Variants in BORCS7 observed in about 807,000 individuals in gnomAD.
The protein encoded by BORCS7 is BLOC-1 related complex subunit 7, also known as BLOC-1-related complex subunit 7.
A neutral mutation model predicts 17.5 loss-of-function variants in BORCS7; 20 were observed. The observed-to-expected ratio is 1.14, with a 90% CI of 0.80 to 1.66. The LOEUF (loss-of-function observed/expected upper bound fraction) is 1.66. BORCS7 is among the 40% of genes most tolerant of loss of function. The pLI is 0.00. For missense variants in BORCS7, 122 were observed against 129.7 expected (o/e 0.94, Z 0.29); for synonymous variants, 57 against 49.8 (o/e 1.14, Z -0.61).
intron 1 of BORCS7, 37 bp from the exon 2 acceptor site, chr10:102,860,295 G>A: frequency 6.3e-7 from 1 of 1,592,466 alleles, no homozygotes; most frequent in Non-Finnish European, 8.6e-7. Flanking sequence ...GGAAGTTTGG[G>A]AATTTTGATT....
chr10:102,862,783 A>T, intron 4 of BORCS7, 90 bp from the exon 5 acceptor site: 1 of 1,181,104 alleles, frequency 8.5e-7, no homozygotes, highest in Non-Finnish European at 1.2e-6. Flanking sequence ...CCCTGTCTGT[A>T]ATGGAAAAAA....
intron 1 of BORCS7, among the ~76,000 whole-genome samples, chr10:102,857,791 T>TTAGGAGATAGCAATTGAA (rs1432750488): frequency 1.3e-5 from 2 of 152,062 alleles, no homozygotes; most frequent in African/African-American, 4.8e-5. Flanking sequence ...AATGGATTCA[T>TTAGGAGATAGCAATTGAA]TAGGAGATAG....
chr10:102,859,443 CCTTT>C (rs1158681244), intron 1 of BORCS7, among the ~76,000 whole-genome samples: 2 of 151,338 alleles, frequency 1.3e-5, no homozygotes, highest in African/African-American at 4.8e-5. Flanking sequence ...CTGGCCATCT[CCTTT>C]CTTTTCTTTT....
intron 1 of BORCS7, among the ~76,000 whole-genome samples, chr10:102,855,615 A>AT (rs1304034698): frequency 6.6e-6 from 1 of 152,180 alleles, no homozygotes; most frequent in Non-Finnish European, 1.5e-5. Flanking sequence ...ACAAAACTAA[A>AT]TCCCTCTACT....
At chr10:102,855,302 G>T (rs1844409133) in intron 1 of BORCS7, among the ~76,000 whole-genome samples, 1 of 151,720 alleles carries the variant, frequency 6.6e-6, no homozygotes, top group African/African-American at 2.4e-5. Context: ...GGGATTACAG[G>T]CACGCACCAC....
intron 1 of BORCS7, 182 bp downstream of exon 1, chr10:102,854,609 AGT>A (rs2134094201): frequency 1.5e-6 from 1 of 671,242 alleles, no homozygotes; most frequent in Non-Finnish European, 2.3e-6. Context: ...GGTTAGGGAC[AGT>A]GTGTGAGGGT....
intron 1 of BORCS7, among the ~76,000 whole-genome samples, chr10:102,855,444 C>T (rs542500706): frequency 1.3e-5 from 2 of 152,276 alleles, no homozygotes; most frequent in Admixed American, 1.3e-4. Flanking sequence ...GCGTGAGCCA[C>T]CGCTCCTGGC....
chr10:102,861,260 C>A lies in BORCS7; in HGVS notation c.248+719C>A, dbSNP rs186968751. On this transcript the variant is annotated intron_variant, in intron 3 of 4. Coordinates refer to ENST00000339834, the MANE Select transcript of BORCS7 (RefSeq NM_001136200.2). ...TGAAACCCCGTCTCTACTAAAGATA[C>A]AAAAAAGTAGCCGGGTGTGGTGGTG... Among the ~76,000 whole-genome samples the A allele has an allele frequency of 5.5e-3, 832 of 151,586 alleles. 10 individuals are homozygous for A. The highest frequency in any genetic ancestry group is 0.019 in the African/African-American group (784 of 41,322).
Position 102,862,979 on chromosome 10 carries a change from C to A in BORCS7, c.*55C>A, listed in dbSNP as rs746975966. ...TTTGCCTAATGCTGAGGAGTAAATA[C>A]CTTACACAGCTGTCCTCTGGGTTTG... is the stretch of plus-strand genomic sequence containing the variant. On this transcript the variant is annotated 3_prime_UTR_variant, in exon 5 of 5. Transcript: ENST00000339834. 2.9e-6 allele frequency: 4 copies of A among 1,385,110 alleles called. No individual in the cohort carries two copies. Among genetic ancestry groups the A allele is most frequent in the Non-Finnish European group, 4.1e-6 (4 of 974,364 alleles). 85.8% of individuals were successfully genotyped at this position (1,385,110 alleles called of 1,614,324 possible).
Position 102,854,404 on chromosome 10 carries a change from C to A in BORCS7, c.118C>A (p.Leu40Met). The change falls in exon 1 of 5, where the codon CTG becomes ATG. Residue 40 changes from leucine to methionine, a missense_variant. Transcript: ENST00000339834. ...CGTAATCGCGCTCACCAAGCAGGTG[C>A]TGAAAGGCTCCCGGAGCTCCGAGGT... ...TDVIALTKQVLKGSRSSELLG... is the reference protein window; with the variant it reads ...TDVIALTKQVMKGSRSSELLG... The A allele has an allele frequency of 6.5e-7, 1 of 1,546,174 alleles. No homozygotes were observed. Among genetic ancestry groups the A allele is most frequent in the Non-Finnish European group, 8.8e-7 (1 of 1,140,816 alleles).
chr10:102,860,284 AG>A, intron 1 of BORCS7, 47 bp from the exon 2 acceptor site: 1 of 1,542,682 alleles, frequency 6.5e-7, no homozygotes, highest in Non-Finnish European at 8.9e-7. Flanking sequence ...AGAAGATTAC[AG>A]GAAGTTTGGG....
At position 102,864,878 on chromosome 10, in the gene BORCS7, A is replaced by G. The variant is rs1451155913; in HGVS notation, c.*1954A>G. On this transcript the variant is annotated 3_prime_UTR_variant, in exon 5 of 5. Transcript: ENST00000339834. ...GCCGGAAGATAATATTTTTAAAATA[A>G]CAAATGTTCAAATGCCATAAAAGAA... The G allele has an allele frequency of 6.6e-6, 1 of 152,186 alleles. No individual in the cohort carries two copies. Among genetic ancestry groups the G allele is most frequent in the Non-Finnish European group, 1.5e-5 (1 of 68,020 alleles). The allele number at this position is 152,186 out of a possible 1,614,324, so 9.4% of individuals were successfully genotyped here. A position where few individuals can be genotyped will look rare whatever the true frequency, so the allele number is the denominator to read the frequency against.
chr10:102,855,571 A>G (rs1844412923), intron 1 of BORCS7, among the ~76,000 whole-genome samples: 2 of 152,202 alleles, frequency 1.3e-5, no homozygotes, highest in African/African-American at 2.4e-5. Context: ...GGTGTCTGCT[A>G]TGTGCCAGGA....
intron 1 of BORCS7, among the ~76,000 whole-genome samples, chr10:102,855,748 C>CTTTG (rs764530337): frequency 2.9e-4 from 44 of 152,140 alleles, no homozygotes; most frequent in East Asian, 5.8e-4. Flanking sequence ...AAGGGTTAAT[C>CTTTG]TTTGTTTGTT....
rs199826074 is a variant in BORCS7, at chr10:102,854,357, A to C, written c.71A>C (p.Lys24Thr). The stretch of plus-strand genomic sequence containing the variant: ...TCCGTGAAGGGGCTTCTCACGGAGA[A>C]GGTGACCACCTGTGGTACTGACGTA... ...GQSVKGLLTE[K>T]VTTCGTDVIA... Residue 24 changes from lysine to threonine, a missense_variant, in exon 1 of 5, where the codon AAG becomes ACG. Lys to Thr is a moderately conservative substitution (Grantham distance 78, BLOSUM62 -1). Coordinates refer to ENST00000339834, the MANE Select transcript of BORCS7 (RefSeq NM_001136200.2). 6.3e-7 allele frequency: 1 copy of C among 1,586,454 alleles called. No individual in the cohort carries two copies. The highest frequency in any genetic ancestry group is 1.8e-5 in the Admixed American group (1 of 55,324).
rs1291130069 is a variant in BORCS7, at chr10:102,862,872, G to C, written c.270-1G>C. ...AACCCTGTCTCTATTCTAATTCCTA[G>C]TGTTGAACAGTCATCGGATCTACAG... On this transcript the variant is annotated splice_acceptor_variant, in intron 4 of 4. Transcript: ENST00000339834. LOFTEE classifies it high-confidence loss of function. 4 of 1,603,122 alleles carry C rather than the reference G, an allele frequency of 2.5e-6. No individual in the cohort carries two copies. The highest frequency in any genetic ancestry group is 1.7e-5 in the Admixed American group (1 of 59,968).
chr10:102,858,002 A>G (rs1844455166), intron 1 of BORCS7, among the ~76,000 whole-genome samples: 1 of 151,828 alleles, frequency 6.6e-6, no homozygotes. Context: ...ATCTCTACAA[A>G]AAAATACAAA....
chr10:102,858,198 GA>G (rs1844460685), intron 1 of BORCS7, among the ~76,000 whole-genome samples: 1 of 143,378 alleles, frequency 7.0e-6, no homozygotes, highest in Non-Finnish European at 1.5e-5. Flanking sequence ...TATAGAGAGA[GA>G]GAGCGAGCGA....
In BORCS7 at chr10:102,862,826, T is replaced by C. The variant is rs760973619; in HGVS notation, c.270-47T>C. ...GTAAATAGTTGTACAAAGATGTCTT[T>C]ATTATTGCTCATTTCAGATAAACCC... On this transcript the variant is annotated intron_variant, in intron 4 of 4. Coordinates refer to ENST00000339834, the MANE Select transcript of BORCS7 (RefSeq NM_001136200.2). The C allele has an allele frequency of 2.7e-5, 42 of 1,533,194 alleles. 1 individual carries two copies. The highest frequency in any genetic ancestry group is 7.2e-6 in the Non-Finnish European group (8 of 1,107,884). 95.0% of individuals were successfully genotyped at this position (1,533,194 alleles called of 1,614,324 possible).
Sources: gnomAD v4.1 joint callset for allele counts (sites outside exome capture counted in the v4.1 genomes callset) on GRCh38, gnomAD v4.1.1 for gene constraint, MANE v1.5 for transcripts, NCBI Gene and HGNC (gene_info 2026-07-23, HGNC 2026-07-21) for gene names.